PATJ: variants seen among roughly 807,000 people sequenced by gnomAD.
PATJ encodes inaD-like protein.
A neutral mutation model predicts 224.9 loss-of-function variants in PATJ; 190 were observed. The observed-to-expected ratio is 0.84, with a 90% CI of 0.75 to 0.95. PATJ has a LOEUF of 0.95. PATJ is among the 40% of genes least tolerant of loss of function. The pLI is 0.00. For synonymous variants in PATJ, 769 were observed against 820.3 expected (o/e 0.94, Z 1.07); for missense variants, 2,121 against 2,270.3 (o/e 0.93, Z 1.34).
chr1:61,936,318 T>C (rs999323703), intron 27 of PATJ, among the ~76,000 whole-genome samples: 6 of 150,868 alleles, frequency 4.0e-5, no homozygotes, highest in Non-Finnish European at 8.8e-5. Flanking sequence ...CCTCTCCCCT[T>C]CTTGCAAAAA....
chr1:62,116,983 C>T (rs1345615863), intron 36 of PATJ, 149 bp from the exon 37 acceptor site: 7 of 657,074 alleles, frequency 1.1e-5, no homozygotes, highest in Admixed American at 6.2e-5. Context: ...CTCCAGGAGC[C>T]ACAGAATTCA....
intron 28 of PATJ, among the ~76,000 whole-genome samples, chr1:61,998,837 T>C (rs1645573288): frequency 6.6e-6 from 1 of 152,200 alleles, no homozygotes; most frequent in Admixed American, 6.5e-5. Context: ...TTTCTGACTA[T>C]GGCTTGTTAG....
At chr1:61,824,233 C>T (rs371768963) in intron 15 of PATJ, among the ~76,000 whole-genome samples, 2 of 141,606 alleles carry the variant, frequency 1.4e-5, no homozygotes, top group Admixed American at 7.1e-5. Context: ...ATTTAATTCA[C>T]TTTTTTTTTT....
chr1:62,138,904 G>A (rs1017640317), intron 41 of PATJ, among the ~76,000 whole-genome samples: 1 of 151,998 alleles, frequency 6.6e-6, no homozygotes, highest in African/African-American at 2.4e-5. Context: ...GCCTTCCCCA[G>A]AAGGAATCCC....
intron 14 of PATJ, 141 bp downstream of exon 14, chr1:61,808,671 G>T: frequency 1.8e-6 from 1 of 562,958 alleles, no homozygotes. Context: ...GATTACAGGT[G>T]GAGCCACTGA....
intron 29 of PATJ, among the ~76,000 whole-genome samples, chr1:62,024,988 G>C (rs977349256): frequency 6.6e-6 from 1 of 152,154 alleles, no homozygotes; most frequent in Non-Finnish European, 1.5e-5. Flanking sequence ...GTTCCCAACT[G>C]TCCCAAGCCT....
At chr1:62,127,304 T>G (rs1403930459) in intron 39 of PATJ, among the ~76,000 whole-genome samples, 4 of 152,190 alleles carry the variant, frequency 2.6e-5, no homozygotes, top group Non-Finnish European at 5.9e-5. Flanking sequence ...AAGGTTGTGA[T>G]GTCCTTCCTG....
intron 14 of PATJ, among the ~76,000 whole-genome samples, chr1:61,814,980 C>T (rs1347481538): frequency 6.6e-6 from 1 of 152,144 alleles, no homozygotes; most frequent in African/African-American, 2.4e-5. Context: ...TGGAAAGGGT[C>T]CTTGCTCTCA....
chr1:61,789,297 C>G (rs1052877854), intron 8 of PATJ, among the ~76,000 whole-genome samples: 4 of 150,088 alleles, frequency 2.7e-5, no homozygotes, highest in Non-Finnish European at 1.5e-5. Context: ...CAGGGCAAGA[C>G]TCTATTAAAA....
chr1:61,987,825 A>G (rs1326246008), intron 27 of PATJ, among the ~76,000 whole-genome samples: 1 of 152,154 alleles, frequency 6.6e-6, no homozygotes, highest in African/African-American at 2.4e-5. Context: ...ATCAAATTCC[A>G]TACCTTACTC....
intron 29 of PATJ, among the ~76,000 whole-genome samples, chr1:62,033,008 A>G (rs867390246): frequency 6.6e-6 from 1 of 152,142 alleles, no homozygotes; most frequent in Admixed American, 6.5e-5. Flanking sequence ...AACTGCCCCC[A>G]TGATTCAGTT....
At chr1:62,041,623 C>T (rs531558586) in intron 30 of PATJ, among the ~76,000 whole-genome samples, 1 of 152,262 alleles carries the variant, frequency 6.6e-6, no homozygotes, top group East Asian at 1.9e-4. Flanking sequence ...GATAGTGGTA[C>T]TATTTACTAG....
At chr1:61,983,587 A>G (rs1382879863) in intron 27 of PATJ, among the ~76,000 whole-genome samples, 4 of 152,060 alleles carry the variant, frequency 2.6e-5, no homozygotes, top group Admixed American at 2.6e-4. Context: ...TTTATGTAGC[A>G]TTGTTTGGAG....
At chr1:61,749,997 A>G (rs575612496) in intron 1 of PATJ, among the ~76,000 whole-genome samples, 3 of 152,288 alleles carry the variant, frequency 2.0e-5, no homozygotes, top group South Asian at 2.1e-4. Context: ...TTAAAATAGC[A>G]AGTTGCTGAA....
At chr1:62,004,014 A>G (rs1043374367) in intron 28 of PATJ, among the ~76,000 whole-genome samples, 1 of 152,032 alleles carries the variant, frequency 6.6e-6, no homozygotes, top group Non-Finnish European at 1.5e-5. Context: ...TCCTCTTGCC[A>G]CTCACTTCCC....
chr1:62,157,088 C>CA (rs2149064827), intron 43 of PATJ, among the ~76,000 whole-genome samples: 1 of 152,184 alleles, frequency 6.6e-6, no homozygotes, highest in African/African-American at 2.4e-5. Flanking sequence ...CTTTGGGAGA[C>CA]AGAGGCAGGC....
At chr1:62,126,183 C>G (rs943833431) in intron 39 of PATJ, among the ~76,000 whole-genome samples, 1 of 152,174 alleles carries the variant, frequency 6.6e-6, no homozygotes, top group African/African-American at 2.4e-5. Flanking sequence ...CTCTTCTCTG[C>G]TTTTCTTCTC....
chr1:62,141,785 G>A (rs7547052), intron 41 of PATJ, among the ~76,000 whole-genome samples: 56,464 of 151,866 alleles, frequency 0.37, 12,525 homozygotes, highest in East Asian at 0.72. Flanking sequence ...GCTGGCCAAC[G>A]TGGTGAAACC....
intron 27 of PATJ, among the ~76,000 whole-genome samples, 156 bp downstream of exon 27, chr1:61,927,985 C>T (rs1455887000): frequency 2.0e-5 from 3 of 152,082 alleles, no homozygotes; most frequent in African/African-American, 4.8e-5. Flanking sequence ...GCTTTTGTGG[C>T]GTCATTTCCT....
Sources: allele counts gnomAD v4.1 joint callset (sites outside exome capture counted in the v4.1 genomes callset), GRCh38; gene constraint gnomAD v4.1.1; transcripts MANE v1.5; gene names NCBI Gene and HGNC (gene_info 2026-07-23, HGNC 2026-07-21).